F8: variants seen among roughly 807,000 people sequenced by gnomAD.
F8 encodes the protein antihemophilic factor.
In F8, 12 loss-of-function variants were observed where a neutral mutation model predicts 140.6. The observed-to-expected ratio is 0.09, with a 90% confidence interval of 0.05 to 0.14. F8 has a LOEUF of 0.14. Ranked by LOEUF, F8 falls within the 10% of genes least tolerant of loss-of-function variation. The probability of loss-of-function intolerance (pLI) is 1.00; values close to 1 mark genes in which losing one functional copy is unlikely to be tolerated. For missense variants in F8, 1,354 were observed against 1,720.7 expected (o/e 0.79, Z 3.77); for synonymous variants, 585 against 614.6 (o/e 0.95, Z 0.71).
At chrX:155,000,077 C>A (rs1480208667) in intron 1 of F8, among the ~76,000 whole-genome samples, 1 of 112,206 alleles carries the variant, frequency 8.9e-6, no homozygotes, top group Non-Finnish European at 1.9e-5. Context: ...TTCTTGTCTC[C>A]ACTCAGATAC....
At chrX:154,855,727 C>G (rs1370386334) in intron 25 of F8, among the ~76,000 whole-genome samples, 1 of 39,565 alleles carries the variant, frequency 2.5e-5, no homozygotes, top group Non-Finnish European at 4.5e-5. Flanking sequence ...AACTGCCATG[C>G]AAGATAATGC....
intron 25 of F8, among the ~76,000 whole-genome samples, chrX:154,839,854 C>A (rs2148556790): frequency 8.9e-6 from 1 of 112,081 alleles, no homozygotes; most frequent in African/African-American, 3.2e-5. Context: ...GAATATATAG[C>A]ATAATGTATA....
chrX:154,910,656 A>C (rs2073061781), intron 14 of F8, among the ~76,000 whole-genome samples: 1 of 112,378 alleles, frequency 8.9e-6, no homozygotes, highest in African/African-American at 3.2e-5. Flanking sequence ...CTGCCCTGGA[A>C]AGCCAGGTAT....
intron 7 of F8, 136 bp from the exon 8 acceptor site, chrX:154,966,823 T>C: frequency 1.3e-6 from 1 of 794,089 alleles, no homozygotes; most frequent in Non-Finnish European, 1.8e-6. Flanking sequence ...AGCATGGTGC[T>C]GGCATCTGCT....
chrX:154,845,467 A>G (rs1200620628), intron 25 of F8, among the ~76,000 whole-genome samples: 7 of 111,823 alleles, frequency 6.3e-5, no homozygotes, highest in African/African-American at 2.3e-4. Context: ...CCTCAATTTC[A>G]GAGCCTGTTA....
Position 154,860,531 on chromosome X carries a change from T to C in F8, c.6801A>G (p.Val2267=). 1.7e-6 allele frequency: 2 copies of C among 1,211,337 alleles called. No individual in the cohort carries two copies. The highest frequency in any genetic ancestry group is 1.7e-5 in the African/African-American group (1 of 57,788). The part of the protein sequence containing the change: ...MKVTGVTTQG[V]KSLLTSMYVK... The stretch of plus-strand genomic sequence containing the variant: ...CATACATGCTGGTAAGCAGAGATTT[T>C]ACTCCCTGAGTAGTTACTCCTGTGA... Residue 2267 remains valine, a synonymous_variant, in exon 25 of 26, where the codon GTA becomes GTG. Transcript: ENST00000360256.
chrX:154,972,331 T>G (rs782612254), intron 6 of F8, among the ~76,000 whole-genome samples: 32 of 111,987 alleles, frequency 2.9e-4, no homozygotes, highest in African/African-American at 1.0e-3. Flanking sequence ...TTTGGAGAAA[T>G]GTCTATTCAG....
At position 154,930,370 on chromosome X, in the gene F8, C is replaced by T. The variant is rs782280550; in HGVS notation, c.3420G>A (p.Gly1140=). The T allele has an allele frequency of 8.3e-7, 1 of 1,210,440 alleles. No homozygotes were observed. Among genetic ancestry groups the T allele is most frequent in the East Asian group, 3.0e-5 (1 of 33,851 alleles). Residue 1140 remains glycine, a synonymous_variant, in exon 14 of 26, where the codon GGG becomes GGA. Transcript: ENST00000360256. ...RTHGKNSLNS[G]QGPSPKQLVS... The stretch of plus-strand genomic sequence containing the variant: ...CTAATTGCTTTGGACTGGGGCCTTG[C>T]CCAGAGTTCAGAGAGTTCTTTCCAT...
chrX:154,943,103 G>C (rs1176913484), intron 13 of F8, among the ~76,000 whole-genome samples: 5 of 111,860 alleles, frequency 4.5e-5, no homozygotes, highest in African/African-American at 1.3e-4. Flanking sequence ...TTTGAAAACT[G>C]GCACAAGACA....
At chrX:154,908,229 C>A (rs1193749659) in intron 14 of F8, among the ~76,000 whole-genome samples, 1 of 112,101 alleles carries the variant, frequency 8.9e-6, no homozygotes, top group African/African-American at 3.2e-5. Context: ...TTCTGTGACA[C>A]CTTTGTCATA....
At chrX:154,927,280 A>G (rs782152935) in intron 14 of F8, among the ~76,000 whole-genome samples, 1 of 111,947 alleles carries the variant, frequency 8.9e-6, no homozygotes, top group South Asian at 3.7e-4. Flanking sequence ...CGGTTTCTGT[A>G]AAGATAGGGG....
intron 11 of F8, among the ~76,000 whole-genome samples, chrX:154,955,165 C>CTTT (rs1185466045): frequency 0.017 from 608 of 36,083 alleles, 134 homozygotes; most frequent in Non-Finnish European, 0.019. Context: ...ATTTATTAAG[C>CTTT]TTTTTTTTTT....
chrX:154,928,120 G>A (rs1165459494), intron 14 of F8, among the ~76,000 whole-genome samples: 2 of 111,397 alleles, frequency 1.8e-5, no homozygotes, highest in Non-Finnish European at 3.8e-5. Context: ...ATAAATATTT[G>A]TGACTGACTG....
At chrX:154,848,802 A>T (rs181555743) in intron 25 of F8, among the ~76,000 whole-genome samples, 5 of 110,922 alleles carry the variant, frequency 4.5e-5, no homozygotes, top group African/African-American at 1.6e-4. Context: ...TCCTGCACCC[A>T]CTGTCCGACA....
At chrX:154,850,247 G>C (rs1313337718) in intron 25 of F8, among the ~76,000 whole-genome samples, 2 of 109,366 alleles carry the variant, frequency 1.8e-5, no homozygotes, top group Non-Finnish European at 3.8e-5. Context: ...TTGTGCCTCA[G>C]CCTCCCGAGT....
chrX:154,906,324 A>T, intron 15 of F8, 96 bp downstream of exon 15: 1 of 787,964 alleles, frequency 1.3e-6, no homozygotes, highest in Non-Finnish European at 1.8e-6. Context: ...ATTTTTCTAT[A>T]CTTTAAAAAT....
At position 154,993,076 on chromosome X, in the gene F8, G is replaced by A. The variant is rs2073597378; in HGVS notation, c.461C>T (p.Thr154Ile). The change falls in exon 4 of 26, where the codon ACA becomes ATA. Residue 154 changes from threonine (T) to isoleucine (I), a missense_variant. Coordinates refer to ENST00000360256, the MANE Select transcript of F8 (RefSeq NM_000132.4). ...DDKVFPGGSH[T>I]YVWQVLKENG... The stretch of plus-strand genomic sequence containing the variant: ...CTCTTTCAGGACCTGCCAGACATAT[G>A]TATGGCTTCCACCAGGGAAGACTTT... 1 of 1,211,715 alleles carries A rather than the reference G, an allele frequency of 8.3e-7. No individual in the cohort carries two copies. The highest frequency in any genetic ancestry group is 1.1e-6 in the Non-Finnish European group (1 of 895,336).
Position 154,837,134 on chromosome X carries a change from A to C in F8, c.*463T>G, listed in dbSNP as rs782667456. 3 of 146,904 alleles carry C rather than the reference A, an allele frequency of 2.0e-5. No individual in the cohort carries two copies. In the East Asian group the frequency reaches 5.1e-4, roughly 25 times the overall value. The allele number at this position is 146,904 out of a possible 1,213,427, so 12.1% of individuals were successfully genotyped here. A position where few individuals can be genotyped will look rare whatever the true frequency, so the allele number is the denominator to read the frequency against. On this transcript the variant is annotated 3_prime_UTR_variant, in exon 26 of 26. Transcript: ENST00000360256. ...CCAAGATTGTATTGATCTGATCCTG[A>C]AACATGCTTTGTTCCATGCTTGATC... is the stretch of plus-strand genomic sequence containing the variant.
intron 13 of F8, among the ~76,000 whole-genome samples, chrX:154,941,841 T>A (rs1557279774): frequency 9.3e-6 from 1 of 107,435 alleles, no homozygotes; most frequent in African/African-American, 3.4e-5. Flanking sequence ...GCAATCAAAC[T>A]AGAACTCAGG....
Sources: gnomAD v4.1 joint callset for allele counts (sites outside exome capture counted in the v4.1 genomes callset) on GRCh38, gnomAD v4.1.1 for gene constraint, MANE v1.5 for transcripts, NCBI Gene and HGNC (gene_info 2026-07-23, HGNC 2026-07-21) for gene names.